The following NIPSNAP3B variants were observed in gnomAD, a reference collection of about 807,000 sequenced individuals.
The protein encoded by NIPSNAP3B is protein NipSnap homolog 3B.
In NIPSNAP3B, 30 loss-of-function variants were observed where a neutral mutation model predicts 31.5. The observed-to-expected ratio is 0.95, with a 90% CI of 0.71 to 1.29. The LOEUF (loss-of-function observed/expected upper bound fraction) is 1.29, where lower values mean the gene tolerates loss of function less well. Among genes scored for constraint, NIPSNAP3B ranks in the 50% most tolerant of loss-of-function variants. The pLI, the probability that NIPSNAP3B is intolerant of heterozygous loss-of-function variation, is 0.00. For missense variants in NIPSNAP3B, 269 were observed against 300.7 expected (o/e 0.89, Z 0.78); for synonymous variants, 106 against 107.9 (o/e 0.98, Z 0.11).
intron 2 of NIPSNAP3B, among the ~76,000 whole-genome samples, chr9:104,768,340 T>C (rs1475112906): frequency 6.6e-6 from 1 of 152,258 alleles, no homozygotes; most frequent in Non-Finnish European, 1.5e-5. Context: ...ATTTCATTTA[T>C]GTTAACTTTG....
the NIPSNAP3B span, among the ~76,000 whole-genome samples, chr9:104,789,716 G>C: frequency 3.9e-5 from 6 of 152,262 alleles, no homozygotes; most frequent in South Asian, 1.2e-3. Context: ...GTACATACTA[G>C]GTTGAGATAT....
chr9:104,787,785 T>C, the NIPSNAP3B span: 1 of 1,588,842 alleles, frequency 6.3e-7, no homozygotes, highest in Non-Finnish European at 8.6e-7. Context: ...TTCCCTCTGC[T>C]TTTCCAAGGT....
At chr9:104,784,628 A>G in the NIPSNAP3B span, among the ~76,000 whole-genome samples, 3 of 152,180 alleles carry the variant, frequency 2.0e-5, no homozygotes, top group South Asian at 2.1e-4. Flanking sequence ...GAAAAAAGCA[A>G]TAACAACTTA....
the NIPSNAP3B span, chr9:104,785,526 T>TG: frequency 1.2e-6 from 2 of 1,613,662 alleles, no homozygotes; most frequent in Non-Finnish European, 1.7e-6. Context: ...CATGTTCCGG[T>TG]GTTTCTCTTT....
rs200326085 is a variant in NIPSNAP3B, at chr9:104,771,044, C to G, written c.580+46C>G. Reference sequence around the variant, plus strand: ...TATGAAGTTGCCATGTGTATTAGATCAGTTCGTCTCTCTTTTTCATTTTGG... The same window carrying G: ...TATGAAGTTGCCATGTGTATTAGATGAGTTCGTCTCTCTTTTTCATTTTGG... On this transcript the variant is annotated intron_variant, in intron 4 of 5. Coordinates refer to ENST00000374762, the MANE Select transcript of NIPSNAP3B (RefSeq NM_018376.4). The G allele has an allele frequency of 1.1e-4, 173 of 1,516,826 alleles. No individual in the cohort carries two copies. In the African/African-American group the frequency reaches 2.1e-3, roughly 19 times the overall value. The allele number at this position is 1,516,826 out of a possible 1,614,324, so 94.0% of individuals were successfully genotyped here.
chr9:104,769,060 A>G, intron 3 of NIPSNAP3B, 39 bp downstream of exon 3: 3 of 1,520,902 alleles, frequency 2.0e-6, no homozygotes, highest in Middle Eastern at 1.7e-4. Flanking sequence ...TTTAATGAGT[A>G]AAATACTAAA....
At chr9:104,769,764 T>G (rs1828171381) in intron 3 of NIPSNAP3B, among the ~76,000 whole-genome samples, 1 of 152,190 alleles carries the variant, frequency 6.6e-6, no homozygotes, top group African/African-American at 2.4e-5. Flanking sequence ...AATCATTAAG[T>G]ACATCTTTGC....
chr9:104,782,922 A>G, the NIPSNAP3B span: 1 of 152,528 alleles, frequency 6.6e-6, no homozygotes, highest in African/African-American at 2.4e-5. Context: ...CTATATTTGT[A>G]AACCAGTGAG....
the NIPSNAP3B span, chr9:104,783,977 T>C: frequency 4.7e-6 from 1 of 214,656 alleles, no homozygotes; most frequent in African/African-American, 2.5e-5. Flanking sequence ...GCAACCCCAA[T>C]GAGAATACAC....
At chr9:104,772,242 T>C (rs1174070376) in intron 4 of NIPSNAP3B, among the ~76,000 whole-genome samples, 1 of 151,534 alleles carries the variant, frequency 6.6e-6, no homozygotes, top group Non-Finnish European at 1.5e-5. Context: ...CTCTTAAGTG[T>C]AATTAGATAC....
At chr9:104,769,096 T>G in intron 3 of NIPSNAP3B, 75 bp downstream of exon 3, 1 of 1,062,506 alleles carries the variant, frequency 9.4e-7, no homozygotes, top group South Asian at 2.0e-5. Flanking sequence ...AGAGTAAAGT[T>G]CTATAGGAAA....
the NIPSNAP3B span, among the ~76,000 whole-genome samples, chr9:104,789,854 G>A: frequency 6.6e-6 from 1 of 152,130 alleles, no homozygotes; most frequent in Non-Finnish European, 1.5e-5. Context: ...AGAACTTTGG[G>A]AGGCTGAGGC....
At chr9:104,779,005 G>A (rs1224015420), downstream of NIPSNAP3B, among the ~76,000 whole-genome samples, 1 of 152,164 alleles carries the variant, frequency 6.6e-6, no homozygotes, top group African/African-American at 2.4e-5. Flanking sequence ...AGAGACATTA[G>A]TACAGATAGC....
chr9:104,768,487 T>C (rs912763781), intron 2 of NIPSNAP3B, among the ~76,000 whole-genome samples: 1 of 152,224 alleles, frequency 6.6e-6, no homozygotes, highest in African/African-American at 2.4e-5. Context: ...TTCTAAGCTC[T>C]TTTCATGTAC....
At chr9:104,788,531 C>G in the NIPSNAP3B span, 1 of 1,614,130 alleles carries the variant, frequency 6.2e-7, no homozygotes, top group South Asian at 1.1e-5. Flanking sequence ...GGCAGTAGCC[C>G]ATGTTCTGAT....
At chr9:104,764,446 C>T in intron 1 of NIPSNAP3B, 146 bp downstream of exon 1, 2 of 646,068 alleles carry the variant, frequency 3.1e-6, no homozygotes, top group South Asian at 2.2e-5. Flanking sequence ...TCTCTGGAGC[C>T]GTCTGGCGCG....
At chr9:104,779,145 T>C (rs1828396102), downstream of NIPSNAP3B, among the ~76,000 whole-genome samples, 1 of 152,184 alleles carries the variant, frequency 6.6e-6, no homozygotes, top group Non-Finnish European at 1.5e-5. Flanking sequence ...ATTCTGAGCA[T>C]GTCACTCCTC....
rs1376404943 is a variant in NIPSNAP3B at position 104,768,892 on chromosome 9, A to G, written c.301A>G (p.Lys101Glu). ...TTTTGCTCATCGAGCTGAAGTTCGG[A>G]AAGCCTTAGCCAACTGTAAGGAATG... is the stretch of plus-strand genomic sequence containing the variant. ...DNFAHRAEVRKALANCKEWQE... is the reference protein window; with the variant it reads ...DNFAHRAEVREALANCKEWQE... The change falls in exon 3 of 6, where the codon AAA becomes GAA. Residue 101 changes from lysine (K) to glutamate (E), a missense_variant. Physicochemically the swap from Lys to Glu is moderately conservative, Grantham distance 56. Transcript: ENST00000374762. The G allele has an allele frequency of 6.2e-7, 1 of 1,609,142 alleles. No homozygotes were observed. The highest frequency in any genetic ancestry group is 1.1e-5 in the South Asian group (1 of 90,374).
chr9:104,773,226 A>T lies in NIPSNAP3B; in HGVS notation c.*153A>T. 1 of 697,438 alleles carries T rather than the reference A, an allele frequency of 1.4e-6. No individual in the cohort carries two copies. The highest frequency in any genetic ancestry group is 1.9e-5 in the South Asian group (1 of 52,986). The allele number at this position is 697,438 out of a possible 1,614,324, so 43.2% of individuals were successfully genotyped here. ...TGCTTCTTGCATTTTTGAAAGTTAC[A>T]TATTCTCCACTGCTTTAAGAAATAA... On this transcript the variant is annotated 3_prime_UTR_variant, in exon 6 of 6. Coordinates refer to ENST00000374762, the MANE Select transcript of NIPSNAP3B (RefSeq NM_018376.4).
Sources: gnomAD v4.1 joint callset for allele counts (sites outside exome capture counted in the v4.1 genomes callset) on GRCh38, gnomAD v4.1.1 for gene constraint, MANE v1.5 for transcripts, NCBI Gene and HGNC (gene_info 2026-07-23, HGNC 2026-07-21) for gene names.